The following MCF2L2 variants were observed in gnomAD, a reference collection of about 807,000 sequenced individuals.
MCF2L2 encodes the protein MCF.2 cell line derived transforming sequence-like 2, also known as probable guanine nucleotide exchange factor MCF2L2.
In MCF2L2, 102 loss-of-function variants were observed where a neutral mutation model predicts 150.2. The observed-to-expected ratio is 0.68, with a 90% CI of 0.58 to 0.80. The LOEUF is 0.80. Ranked by LOEUF, MCF2L2 falls within the 30% of genes least tolerant of loss-of-function variation. The pLI, the probability that MCF2L2 is intolerant of heterozygous loss-of-function variation, is 0.00. For missense variants in MCF2L2, 1,256 were observed against 1,372.8 expected (o/e 0.91, Z 1.34); for synonymous variants, 465 against 491.3 (o/e 0.95, Z 0.71).
intron 15 of MCF2L2, among the ~76,000 whole-genome samples, chr3:183,268,430 G>A (rs890069493): frequency 6.6e-6 from 1 of 152,032 alleles, no homozygotes; most frequent in African/African-American, 2.4e-5. Context: ...GAGAAGTGAT[G>A]ATAACATGAA....
At chr3:183,241,294 A>G (rs938711438) in intron 15 of MCF2L2, among the ~76,000 whole-genome samples, 3 of 152,158 alleles carry the variant, frequency 2.0e-5, no homozygotes, top group Non-Finnish European at 4.4e-5. Flanking sequence ...GTGGAGGAGG[A>G]AAGGAGGTGA....
At chr3:183,349,784 A>G (rs139037911) in intron 3 of MCF2L2, among the ~76,000 whole-genome samples, 1 of 152,242 alleles carries the variant, frequency 6.6e-6, no homozygotes, top group Non-Finnish European at 1.5e-5. Flanking sequence ...TCTTCACCCT[A>G]TTCCACTGCT....
intron 14 of MCF2L2, chr3:183,287,949 G>C (rs1253568797): frequency 6.6e-6 from 1 of 152,190 alleles, no homozygotes; most frequent in Non-Finnish European, 1.5e-5. Flanking sequence ...AAGTTCATTT[G>C]AGCCCATGGC....
chr3:183,216,208 G>A (rs1722904296), intron 21 of MCF2L2, 114 bp from the exon 22 acceptor site: 1 of 1,135,964 alleles, frequency 8.8e-7, no homozygotes, highest in African/African-American at 1.5e-5. Flanking sequence ...ACTGAGAAGG[G>A]TGGATATTGA....
chr3:183,323,110 A>G (rs2108520702), intron 6 of MCF2L2, 125 bp downstream of exon 6: 1 of 623,024 alleles, frequency 1.6e-6, no homozygotes. Context: ...TGGCTGAGAA[A>G]TCCCAACCAC....
rs571149291 is a variant in MCF2L2, at chr3:183,278,226, T to C, written c.1777-1269A>G. On this transcript the variant is annotated intron_variant, in intron 14 of 29. Transcript: ENST00000328913. ...TATATATATATTTTTTATTATATTG[T>C]TTATTAAACAAATAAAAATAAAAGA... Among the ~76,000 whole-genome samples the C allele has an allele frequency of 2.4e-4, 36 of 149,888 alleles. No homozygotes were observed. In the East Asian group the frequency reaches 7.0e-3, roughly 29 times the overall value.
intron 21 of MCF2L2, among the ~76,000 whole-genome samples, chr3:183,216,516 ATATAT>A (rs541024873): frequency 7.4e-6 from 1 of 135,086 alleles, no homozygotes; most frequent in East Asian, 2.0e-4. Flanking sequence ...TTAAATATTT[ATATAT>A]TATATATTAT....
chr3:183,208,409 G>A (rs1463356846), intron 22 of MCF2L2, among the ~76,000 whole-genome samples: 3 of 152,188 alleles, frequency 2.0e-5, no homozygotes, highest in Admixed American at 1.3e-4. Context: ...TTTTCAGAGT[G>A]AGTCAACAGT....
rs540877536 is a variant in MCF2L2 at position 183,181,611 on chromosome 3, G to A, written c.3017-1452C>T. On this transcript the variant is annotated intron_variant, in intron 27 of 29. Transcript: ENST00000328913. This position sits in a 1 kb window ranked among gnomAD's most constrained non-coding sequence, Gnocchi z 4.3. ...TGGGGTCCCCTTATGCCAGGAGCAAGCAGTGAGAATGGAAGAATGATTGTC... is the reference window on the plus strand; with the variant it reads ...TGGGGTCCCCTTATGCCAGGAGCAAACAGTGAGAATGGAAGAATGATTGTC... Among the ~76,000 whole-genome samples the A allele has an allele frequency of 3.2e-4, 49 of 152,292 alleles. No homozygotes were observed. Among genetic ancestry groups the A allele is most frequent in the African/African-American group, 1.1e-3 (44 of 41,544 alleles).
intron 15 of MCF2L2, among the ~76,000 whole-genome samples, chr3:183,240,166 T>C (rs981560275): frequency 7.9e-5 from 12 of 152,232 alleles, no homozygotes; most frequent in Admixed American, 1.3e-4. Flanking sequence ...AGTGCACTCA[T>C]AGAATCTCAT....
chr3:183,332,483 A>G (rs972412034), intron 5 of MCF2L2, among the ~76,000 whole-genome samples: 3 of 151,482 alleles, frequency 2.0e-5, no homozygotes, highest in African/African-American at 4.9e-5. Context: ...GTGTAGATGC[A>G]TCACCTGAGA....
chr3:183,356,787 G>A (rs1337180490), intron 3 of MCF2L2, among the ~76,000 whole-genome samples: 2 of 152,172 alleles, frequency 1.3e-5, no homozygotes, highest in Non-Finnish European at 2.9e-5. Context: ...GAGAAAGACT[G>A]AGGTGAACAA....
intron 6 of MCF2L2, among the ~76,000 whole-genome samples, chr3:183,322,859 T>C (rs1445962572): frequency 6.6e-6 from 1 of 152,114 alleles, no homozygotes; most frequent in Non-Finnish European, 1.5e-5. Flanking sequence ...TGGGTGTCAA[T>C]ATGTATGTAC....
chr3:183,284,328 T>C (rs1406510696), intron 14 of MCF2L2, among the ~76,000 whole-genome samples: 1 of 152,230 alleles, frequency 6.6e-6, no homozygotes. Context: ...CCTCATGACC[T>C]ATAAATGTAA....
intron 3 of MCF2L2, among the ~76,000 whole-genome samples, chr3:183,353,875 C>G (rs1207635953): frequency 6.6e-6 from 1 of 152,090 alleles, no homozygotes; most frequent in Non-Finnish European, 1.5e-5. Flanking sequence ...TCAAATATTC[C>G]TTTCTATAGA....
intron 3 of MCF2L2, among the ~76,000 whole-genome samples, chr3:183,350,407 A>T (rs1731065435): frequency 6.6e-6 from 1 of 152,080 alleles, no homozygotes; most frequent in South Asian, 2.1e-4. Flanking sequence ...TTCTTAAGGT[A>T]ACACTTGGTT....
intron 1 of MCF2L2, among the ~76,000 whole-genome samples, chr3:183,411,203 G>C (rs1366344656): frequency 1.3e-5 from 2 of 152,184 alleles, no homozygotes; most frequent in Non-Finnish European, 2.9e-5. Context: ...GGTAATGTCA[G>C]TGTGTTAAAT....
intron 4 of MCF2L2, among the ~76,000 whole-genome samples, chr3:183,341,151 C>T (rs989450226): frequency 1.3e-5 from 2 of 152,164 alleles, no homozygotes; most frequent in African/African-American, 2.4e-5. Context: ...GGGGCTGAGA[C>T]CCTCTGGGAT....
At chr3:183,402,865 A>T (rs1714843226) in intron 1 of MCF2L2, among the ~76,000 whole-genome samples, 1 of 125,810 alleles carries the variant, frequency 7.9e-6, no homozygotes, top group South Asian at 2.2e-4. Flanking sequence ...TCATAGACAA[A>T]AAATATATAT....
Sources: gnomAD v4.1 joint callset for allele counts (sites outside exome capture counted in the v4.1 genomes callset) on GRCh38, gnomAD v4.1.1 for gene constraint, Gnocchi (gnomAD v3.1) non-coding constraint, MANE v1.5 for transcripts, NCBI Gene and HGNC (gene_info 2026-07-23, HGNC 2026-07-21) for gene names.